ANAPC4: variants seen among roughly 807,000 people sequenced by gnomAD.
ANAPC4 encodes anaphase promoting complex subunit 4.
ANAPC4 carries 63 observed loss-of-function variants against 119.8 expected under a neutral mutation model. The observed-to-expected ratio is 0.53, with a 90% confidence interval of 0.43 to 0.65. The LOEUF (loss-of-function observed/expected upper bound fraction) is 0.65, where lower values mean the gene tolerates loss of function less well. Ranked by LOEUF, ANAPC4 falls within the 30% of genes least tolerant of loss-of-function variation. The probability of loss-of-function intolerance (pLI) is 0.00; values close to 1 mark genes in which losing one functional copy is unlikely to be tolerated. For synonymous variants in ANAPC4, 283 were observed against 318.6 expected, an observed-to-expected ratio of 0.89 and a Z score of 1.19; for missense variants, 716 against 945.1, an observed-to-expected ratio of 0.76 and a Z score of 3.18.
chr4:25,381,231 T>G (rs1721700165), intron 3 of ANAPC4, among the ~76,000 whole-genome samples: 1 of 152,230 alleles, frequency 6.6e-6, no homozygotes, highest in Non-Finnish European at 1.5e-5. Flanking sequence ...TTTAAAAATT[T>G]TATTGGTGCT....
At chr4:25,389,373 G>A (rs1722216088) in intron 7 of ANAPC4, among the ~76,000 whole-genome samples, 1 of 152,154 alleles carries the variant, frequency 6.6e-6, no homozygotes, top group Admixed American at 6.5e-5. Flanking sequence ...TGGCCAGGAT[G>A]GTCTCGATCT....
At chr4:25,401,630 G>T (rs1446081279) in intron 16 of ANAPC4, among the ~76,000 whole-genome samples, 1 of 152,198 alleles carries the variant, frequency 6.6e-6, no homozygotes, top group East Asian at 1.9e-4. Flanking sequence ...GCACTGCGTG[G>T]CACAGGGCCT....
intron 16 of ANAPC4, among the ~76,000 whole-genome samples, chr4:25,400,302 A>G (rs1236347685): frequency 6.6e-6 from 1 of 152,068 alleles, no homozygotes; most frequent in Non-Finnish European, 1.5e-5. Flanking sequence ...GGTGGGACCT[A>G]GTGCAGAAGG....
At chr4:25,395,153 A>G (rs1722576573) in intron 14 of ANAPC4, 1 of 369,254 alleles carries the variant, frequency 2.7e-6, no homozygotes, top group Non-Finnish European at 4.8e-6. Context: ...TTTCTTAATC[A>G]GCTAAGCATG....
At chr4:25,399,333 G>A (rs941166518) in intron 16 of ANAPC4, among the ~76,000 whole-genome samples, 6 of 152,182 alleles carry the variant, frequency 3.9e-5, no homozygotes, top group Non-Finnish European at 7.4e-5. Flanking sequence ...TCGGGATCAC[G>A]TATTTGTTTT....
intron 16 of ANAPC4, among the ~76,000 whole-genome samples, chr4:25,401,448 A>G (rs74669001): frequency 0.065 from 9,861 of 152,182 alleles, 437 homozygotes; most frequent in Non-Finnish European, 0.093. Context: ...GGCATTCTTC[A>G]TGTTTTGGAG....
intron 16 of ANAPC4, among the ~76,000 whole-genome samples, chr4:25,398,922 G>T (rs977527736): frequency 2.6e-4 from 39 of 151,394 alleles, no homozygotes; most frequent in African/African-American, 9.5e-4. Flanking sequence ...GTGAGGGCAG[G>T]TTTAGGGAGG....
At chr4:25,396,554 A>T in intron 14 of ANAPC4, 110 bp from the exon 15 acceptor site, 1 of 833,856 alleles carries the variant, frequency 1.2e-6, no homozygotes, top group Non-Finnish European at 1.9e-6. Flanking sequence ...TCATGGAAAC[A>T]AAATGAAAGT....
intron 16 of ANAPC4, among the ~76,000 whole-genome samples, 184 bp downstream of exon 16, chr4:25,397,083 C>T (rs1233124490): frequency 2.6e-5 from 4 of 152,174 alleles, no homozygotes; most frequent in African/African-American, 9.7e-5. Flanking sequence ...CTGTATTTTC[C>T]TGTCCTGGTC....
chr4:25,402,199 T>C (rs748241867), intron 16 of ANAPC4, among the ~76,000 whole-genome samples: 11 of 152,212 alleles, frequency 7.2e-5, no homozygotes, highest in Non-Finnish European at 1.6e-4. Flanking sequence ...CGTTTTACTT[T>C]GTACTGAAAG....
chr4:25,414,830 G>T, intron 25 of ANAPC4, 130 bp downstream of exon 25: 1 of 867,608 alleles, frequency 1.2e-6, no homozygotes, highest in Non-Finnish European at 1.6e-6. Context: ...TTAATTGTTA[G>T]TTTTCATGTC....
At chr4:25,394,545 A>G in intron 12 of ANAPC4, 126 bp from the exon 13 acceptor site, 1 of 1,144,628 alleles carries the variant, frequency 8.7e-7, no homozygotes, top group Non-Finnish European at 1.2e-6. Context: ...TTACATGCGT[A>G]GAATTTTTTG....
rs140951993 is a variant in ANAPC4, at chr4:25,378,899, A to G, written c.129+1343A>G. On this transcript the variant is annotated intron_variant, in intron 2 of 28. Coordinates refer to ENST00000315368, the MANE Select transcript of ANAPC4 (RefSeq NM_013367.3). Reference sequence around the variant, plus strand: ...TGTCGTTTTGCAAGTATGACAAAGCAAGGCAAAGATGAAAGAGAGTTGAAG... The same window carrying G: ...TGTCGTTTTGCAAGTATGACAAAGCGAGGCAAAGATGAAAGAGAGTTGAAG... Among the ~76,000 whole-genome samples the G allele has an allele frequency of 5.6e-4, 85 of 152,336 alleles. 1 individual carries two copies. Among genetic ancestry groups the G allele is most frequent in the African/African-American group, 2.0e-3 (82 of 41,570 alleles).
chr4:25,394,370 G>T lies in ANAPC4; in HGVS notation c.937G>T (p.Ala313Ser). The stretch of plus-strand genomic sequence containing the variant: ...CATGCACTTGCTATTATGGGGGAAA[G>T]CAAGGTAATAAACTCAGATTAGGTG... ...EFMHLLLWGK[A>S]SAELQTLLMN... Residue 313 changes from alanine (A) to serine (S), a missense_variant, in exon 12 of 29, where the codon GCA (alanine) becomes TCA (serine). Ala to Ser is a moderately conservative substitution (Grantham distance 99, BLOSUM62 1). Around this residue, in one of 3 missense-constraint regions of ANAPC4, gnomAD observed 504 missense variants for 615.8 expected, o/e 0.82. Transcript: ENST00000315368. The T allele has an allele frequency of 6.3e-7, 1 of 1,576,434 alleles. No individual in the cohort carries two copies. The highest frequency in any genetic ancestry group is 8.5e-7 in the Non-Finnish European group (1 of 1,170,310).
At chr4:25,416,293 T>C (rs1237238583) in intron 26 of ANAPC4, 132 bp from the exon 27 acceptor site, 1 of 486,876 alleles carries the variant, frequency 2.1e-6, no homozygotes, top group Non-Finnish European at 3.5e-6. Flanking sequence ...AATGATATAT[T>C]TTAAATGTTA....
At chr4:25,398,044 G>A (rs1427479401) in intron 16 of ANAPC4, among the ~76,000 whole-genome samples, 1 of 152,118 alleles carries the variant, frequency 6.6e-6, no homozygotes. Flanking sequence ...GGGACTACAG[G>A]AGTATGCCAT....
At chr4:25,414,028 G>A in intron 22 of ANAPC4, 1 of 472,760 alleles carries the variant, frequency 2.1e-6, no homozygotes, top group Non-Finnish European at 3.7e-6. Context: ...AACAGTCTTA[G>A]TTACAGAGCT....
At position 25,405,177 on chromosome 4, in the gene ANAPC4, A is replaced by G. The variant is rs1723187459; in HGVS notation, c.1271-396A>G. Among the ~76,000 whole-genome samples the G allele has an allele frequency of 6.6e-6, 1 of 151,778 alleles. No homozygotes were observed. Among genetic ancestry groups the G allele is most frequent in the African/African-American group, 2.4e-5 (1 of 41,266 alleles). ...CGCGTAGCAGAAAAGACCAAGGGAAATAAACAGATTTCTTTGGTATCATAA... is the reference window on the plus strand; with the variant it reads ...CGCGTAGCAGAAAAGACCAAGGGAAGTAAACAGATTTCTTTGGTATCATAA... On this transcript the variant is annotated intron_variant, in intron 17 of 28. Coordinates refer to ENST00000315368, the MANE Select transcript of ANAPC4 (RefSeq NM_013367.3). This position sits in a 1 kb window ranked among gnomAD's most constrained non-coding sequence, Gnocchi z 4.6.
At chr4:25,388,990 T>C in intron 7 of ANAPC4, 108 bp downstream of exon 7, 17 of 1,014,910 alleles carry the variant, frequency 1.7e-5, no homozygotes, top group Non-Finnish European at 2.3e-5. Flanking sequence ...TATTTCATTG[T>C]TTTTTGTTTT....
Sources: allele counts gnomAD v4.1 joint callset (sites outside exome capture counted in the v4.1 genomes callset), GRCh38; gene constraint gnomAD v4.1.1; regional missense constraint gnomAD v4.1.1; non-coding constraint Gnocchi (gnomAD v3.1); transcripts MANE v1.5; gene names NCBI Gene and HGNC (gene_info 2026-07-23, HGNC 2026-07-21).